Variants in RETREG1 observed in about 807,000 individuals in gnomAD.
The protein encoded by RETREG1 is family with sequence similarity 134 member B.
A neutral mutation model predicts 54.8 loss-of-function variants in RETREG1; 44 were observed. The observed-to-expected ratio is 0.80, with a 90% CI of 0.63 to 1.03. The LOEUF (loss-of-function observed/expected upper bound fraction) is 1.03, where lower values mean the gene tolerates loss of function less well. RETREG1 is among the 50% of genes least tolerant of loss of function. The pLI is 0.00. For missense variants in RETREG1, 554 were observed against 605.1 expected (o/e 0.92, Z 0.89); for synonymous variants, 217 against 238.5 (o/e 0.91, Z 0.83).
chr5:16,498,015 C>A (rs80194308), intron 3 of RETREG1, among the ~76,000 whole-genome samples: 3,455 of 152,294 alleles, frequency 0.023, 146 homozygotes, highest in African/African-American at 0.078. Context: ...CAAGTCAATT[C>A]ATTCTAGGTT....
chr5:16,501,737 G>A (rs892744543), intron 3 of RETREG1, among the ~76,000 whole-genome samples: 9 of 151,410 alleles, frequency 5.9e-5, no homozygotes, highest in Admixed American at 3.9e-4. Context: ...TAGAGACAAG[G>A]TTTCACCATG....
intron 3 of RETREG1, among the ~76,000 whole-genome samples, chr5:16,547,828 A>G (rs950912385): frequency 1.3e-5 from 2 of 152,184 alleles, no homozygotes; most frequent in African/African-American, 4.8e-5. Context: ...TCTGGTTTTG[A>G]AAGAGGGAGA....
At chr5:16,548,999 C>G (rs1227501672) in intron 3 of RETREG1, among the ~76,000 whole-genome samples, 2 of 152,238 alleles carry the variant, frequency 1.3e-5, no homozygotes, top group Non-Finnish European at 2.9e-5. Context: ...GACACAGTAG[C>G]AGAGCTGAAA....
intron 1 of RETREG1, among the ~76,000 whole-genome samples, chr5:16,610,420 G>C (rs954379326): frequency 4.6e-5 from 7 of 152,202 alleles, no homozygotes; most frequent in African/African-American, 1.7e-4. Context: ...AAATGCCATG[G>C]TCTCCAACCA....
Position 16,561,357 on chromosome 5 carries a change from CA to C in RETREG1, c.458+4405del, listed in dbSNP as rs1741849638. On this transcript the variant is annotated intron_variant, in intron 3 of 8. Transcript: ENST00000306320. This position sits in a 1 kb window ranked among gnomAD's most constrained non-coding sequence, Gnocchi z 4.2. ...CTAAAAATACAAAAAATTAGCTGGGCATGGTGGTGGGCACCTGTAGTCCCAG... is the reference window on the plus strand; with the variant it reads ...CTAAAAATACAAAAAATTAGCTGGGCTGGTGGTGGGCACCTGTAGTCCCAG... Among the ~76,000 whole-genome samples, 1 of 151,844 alleles carries C rather than the reference CA, an allele frequency of 6.6e-6. No individual in the cohort carries two copies.
chr5:16,615,898 A>G (rs1021277131), intron 1 of RETREG1: 1 of 152,256 alleles, frequency 6.6e-6, no homozygotes, highest in Non-Finnish European at 1.5e-5. Context: ...TCCGCCCTCA[A>G]TAGCGTGGTA....
chr5:16,589,469 G>A (rs560118420), intron 1 of RETREG1, among the ~76,000 whole-genome samples: 1 of 152,086 alleles, frequency 6.6e-6, no homozygotes, highest in Non-Finnish European at 1.5e-5. Context: ...CCACCTCCCG[G>A]GTTCAAGTGA....
intron 1 of RETREG1, among the ~76,000 whole-genome samples, chr5:16,592,736 C>T (rs567126391): frequency 2.4e-4 from 36 of 152,044 alleles, no homozygotes; most frequent in African/African-American, 7.7e-4. Context: ...AAATCATGTC[C>T]GGTATGGGAA....
chr5:16,604,881 G>A (rs74779506), intron 1 of RETREG1, among the ~76,000 whole-genome samples: 1,563 of 152,260 alleles, frequency 0.01, 32 homozygotes, highest in African/African-American at 0.035. Context: ...AAGTACGTTC[G>A]AAATCGTACA....
chr5:16,484,247 C>T (rs1163333433), intron 3 of RETREG1, among the ~76,000 whole-genome samples: 3 of 152,044 alleles, frequency 2.0e-5, no homozygotes, highest in African/African-American at 7.2e-5. Context: ...AACAATCACT[C>T]CAGGAAGAAG....
intron 3 of RETREG1, among the ~76,000 whole-genome samples, chr5:16,555,441 C>A (rs532665346): frequency 1.3e-5 from 2 of 152,202 alleles, no homozygotes; most frequent in African/African-American, 4.8e-5. Flanking sequence ...CGTGAGCCAC[C>A]ACACTTGGCC....
At chr5:16,573,718 GT>G (rs1195708487) in intron 1 of RETREG1, among the ~76,000 whole-genome samples, 17 of 141,628 alleles carry the variant, frequency 1.2e-4, no homozygotes, top group Admixed American at 5.0e-4. Flanking sequence ...TTTTTAATTG[GT>G]TTTTTGGGTT....
chr5:16,548,545 C>T (rs1224448160), intron 3 of RETREG1, among the ~76,000 whole-genome samples: 1 of 152,094 alleles, frequency 6.6e-6, no homozygotes, highest in Non-Finnish European at 1.5e-5. Flanking sequence ...TGCTTGTTTA[C>T]TGTAACCTAG....
At chr5:16,609,099 C>T (rs906385882) in intron 1 of RETREG1, among the ~76,000 whole-genome samples, 1 of 152,242 alleles carries the variant, frequency 6.6e-6, no homozygotes, top group African/African-American at 2.4e-5. Context: ...ACTAGCCACA[C>T]TTCACATGCT....
At chr5:16,496,693 C>A (rs914532511) in intron 3 of RETREG1, among the ~76,000 whole-genome samples, 1 of 152,166 alleles carries the variant, frequency 6.6e-6, no homozygotes, top group African/African-American at 2.4e-5. Context: ...CTTTTTGATA[C>A]CTTATTTCAT....
chr5:16,590,806 A>G (rs1415266367), intron 1 of RETREG1, among the ~76,000 whole-genome samples: 2 of 151,674 alleles, frequency 1.3e-5, no homozygotes, highest in Non-Finnish European at 2.9e-5. Flanking sequence ...ACACACAAAA[A>G]AACACACAGA....
chr5:16,488,108 C>T (rs1024344943), intron 3 of RETREG1, among the ~76,000 whole-genome samples: 1 of 152,160 alleles, frequency 6.6e-6, no homozygotes, highest in African/African-American at 2.4e-5. Context: ...GTGTGTCTTA[C>T]CTTAAGAGTC....
At chr5:16,479,803 G>A (rs755836248) in intron 5 of RETREG1, among the ~76,000 whole-genome samples, 8 of 152,022 alleles carry the variant, frequency 5.3e-5, no homozygotes, top group Non-Finnish European at 1.0e-4. Context: ...AAACTCAAAT[G>A]TCTCTAGAGG....
chr5:16,545,554 G>A (rs1270132780), intron 3 of RETREG1, among the ~76,000 whole-genome samples: 1 of 152,150 alleles, frequency 6.6e-6, no homozygotes, highest in Non-Finnish European at 1.5e-5. Flanking sequence ...AGCACTAAGA[G>A]AGGACAGTTA....
Sources: allele counts gnomAD v4.1 joint callset (sites outside exome capture counted in the v4.1 genomes callset), GRCh38; gene constraint gnomAD v4.1.1; non-coding constraint Gnocchi (gnomAD v3.1); transcripts MANE v1.5; gene names NCBI Gene and HGNC (gene_info 2026-07-23, HGNC 2026-07-21).